The following MGST3 variants were observed in gnomAD, a reference collection of about 807,000 sequenced individuals.
The protein encoded by MGST3 is glutathione S-transferase 3, mitochondrial.
In MGST3, 13 loss-of-function variants were observed where a neutral mutation model predicts 15.8. The observed-to-expected ratio is 0.82, with a 90% CI of 0.54 to 1.31. The LOEUF (loss-of-function observed/expected upper bound fraction) is 1.31, where lower values mean the gene tolerates loss of function less well. Ranked by LOEUF, MGST3 falls within the 50% of genes most tolerant of loss-of-function variation. The pLI, the probability that MGST3 is intolerant of heterozygous loss-of-function variation, is 0.00. For missense variants in MGST3, 155 were observed against 192.4 expected (o/e 0.81, Z 1.15); for synonymous variants, 49 against 68.1 (o/e 0.72, Z 1.38).
chr1:165,652,490 G>A (rs918779826), intron 4 of MGST3, among the ~76,000 whole-genome samples: 6 of 152,134 alleles, frequency 3.9e-5, no homozygotes, highest in African/African-American at 7.2e-5. Context: ...AGCAACCTAA[G>A]TAAATTACAT....
At chr1:165,652,081 G>C (rs1344756663) in intron 4 of MGST3, 46 bp downstream of exon 4, 1 of 1,329,652 alleles carries the variant, frequency 7.5e-7, no homozygotes, top group Non-Finnish European at 1.1e-6. Context: ...GTAGTTCACT[G>C]AGCTATTATC....
intron 3 of MGST3, chr1:165,651,485 G>A: frequency 2.9e-6 from 1 of 340,856 alleles, no homozygotes; most frequent in Non-Finnish European, 5.6e-6. Flanking sequence ...TACTCAGCAT[G>A]TTCCAAGTGA....
At chr1:165,648,525 G>T (rs1418347164) in intron 1 of MGST3, 1 of 152,342 alleles carries the variant, frequency 6.6e-6, no homozygotes, top group Admixed American at 6.5e-5. Flanking sequence ...GGGTGTGGTG[G>T]TGCGCATCTG....
intron 1 of MGST3, among the ~76,000 whole-genome samples, chr1:165,642,884 T>C (rs1648296663): frequency 6.6e-6 from 1 of 152,180 alleles, no homozygotes; most frequent in Admixed American, 6.5e-5. Context: ...AGATAAGTGG[T>C]GGTACTCAAG....
At chr1:165,650,562 CTT>C in intron 2 of MGST3, 1 of 183,070 alleles carries the variant, frequency 5.5e-6, no homozygotes, top group Admixed American at 5.4e-5. Flanking sequence ...TTAGTTTCTT[CTT>C]TTTTTTCCCT....
intron 1 of MGST3, among the ~76,000 whole-genome samples, chr1:165,642,668 G>A (rs898827490): frequency 7.2e-5 from 11 of 152,276 alleles, no homozygotes; most frequent in African/African-American, 2.2e-4. Context: ...TTTATAGACA[G>A]TATGTCCATC....
chr1:165,643,743 C>T (rs904307472), intron 1 of MGST3, among the ~76,000 whole-genome samples: 5 of 151,650 alleles, frequency 3.3e-5, no homozygotes, highest in South Asian at 2.1e-4. Context: ...TGGCGGGCGC[C>T]TGTGATCCCA....
At chr1:165,652,140 G>T in intron 4 of MGST3, 105 bp downstream of exon 4, 1 of 836,102 alleles carries the variant, frequency 1.2e-6, no homozygotes, top group Non-Finnish European at 2.1e-6. Flanking sequence ...TCAGTGTCTA[G>T]GCACTGCATA....
At chr1:165,636,874 G>A (rs903524649) in intron 1 of MGST3, 2 of 152,232 alleles carry the variant, frequency 1.3e-5, no homozygotes, top group Non-Finnish European at 2.9e-5. Flanking sequence ...TTGTTCCTTC[G>A]TGGAAACATC....
chr1:165,643,542 GATCCT>G (rs1214185271), intron 1 of MGST3, among the ~76,000 whole-genome samples: 2 of 146,024 alleles, frequency 1.4e-5, no homozygotes, highest in African/African-American at 5.1e-5. Context: ...AACATAGGAA[GATCCT>G]ATCTCTTAAA....
intron 1 of MGST3, among the ~76,000 whole-genome samples, chr1:165,645,091 A>C (rs551259379): frequency 6.6e-6 from 1 of 152,102 alleles, no homozygotes; most frequent in East Asian, 1.9e-4. Flanking sequence ...CTTATTCTAT[A>C]AGATTTTTTT....
intron 1 of MGST3, among the ~76,000 whole-genome samples, chr1:165,639,460 G>A (rs1433570087): frequency 6.6e-6 from 1 of 152,152 alleles, no homozygotes; most frequent in Non-Finnish European, 1.5e-5. Flanking sequence ...TTGTTGTAAG[G>A]ATGGAAAGTG....
At chr1:165,639,749 G>A (rs893310349) in intron 1 of MGST3, among the ~76,000 whole-genome samples, 1 of 152,168 alleles carries the variant, frequency 6.6e-6, no homozygotes, top group African/African-American at 2.4e-5. Context: ...GCTGCAGTGA[G>A]CTGAGATAGC....
chr1:165,638,745 T>C (rs1316773345), intron 1 of MGST3, among the ~76,000 whole-genome samples: 1 of 150,022 alleles, frequency 6.7e-6, no homozygotes, highest in Non-Finnish European at 1.5e-5. Context: ...ATCGTGCCAC[T>C]GCACTCTGCC....
intron 4 of MGST3, among the ~76,000 whole-genome samples, chr1:165,652,597 A>AG (rs1282305020): frequency 6.6e-6 from 1 of 152,082 alleles, no homozygotes; most frequent in Non-Finnish European, 1.5e-5. Flanking sequence ...GTGGTCAGGG[A>AG]GGGGGGCTTT....
At chr1:165,638,946 C>T (rs1393451953) in intron 1 of MGST3, among the ~76,000 whole-genome samples, 2 of 152,026 alleles carry the variant, frequency 1.3e-5, no homozygotes, top group Non-Finnish European at 2.9e-5. Context: ...AGGATGTCGG[C>T]ACTTGCCACT....
intron 1 of MGST3, among the ~76,000 whole-genome samples, chr1:165,634,701 C>G (rs1648049726): frequency 6.6e-6 from 1 of 151,352 alleles, no homozygotes; most frequent in Non-Finnish European, 1.5e-5. Flanking sequence ...TTTTGTCTTC[C>G]CTGACTGCAT....
chr1:165,655,526 C>A lies in MGST3; in HGVS notation c.*22C>A. On this transcript the variant is annotated 3_prime_UTR_variant, in exon 6 of 6. Coordinates refer to ENST00000367889, the MANE Select transcript of MGST3 (RefSeq NM_004528.4). ...TTAAAGAATTATAGGGGTTTAAAAA[C>A]TCTCATTCATTTTAAATGACTTACC... 1.9e-6 allele frequency: 3 copies of A among 1,613,824 alleles called. No homozygotes were observed. In the South Asian group the frequency reaches 3.3e-5, roughly 18 times the overall value.
intron 1 of MGST3, chr1:165,648,954 C>A (rs1464436572): frequency 6.6e-6 from 1 of 152,206 alleles, no homozygotes; most frequent in Non-Finnish European, 1.5e-5. Context: ...TAGATACATT[C>A]CAGATCAGGG....
Sources: allele counts gnomAD v4.1 joint callset (sites outside exome capture counted in the v4.1 genomes callset), GRCh38; gene constraint gnomAD v4.1.1; transcripts MANE v1.5; gene names NCBI Gene and HGNC (gene_info 2026-07-23, HGNC 2026-07-21).